The following SEMA5A variants were observed in gnomAD, a reference collection of about 807,000 sequenced individuals.
SEMA5A encodes the protein semaphorin-5A.
A neutral mutation model predicts 135.5 loss-of-function variants in SEMA5A; 55 were observed. The observed-to-expected ratio is 0.41, with a 90% CI of 0.33 to 0.51. The LOEUF (loss-of-function observed/expected upper bound fraction) is 0.51, where lower values mean the gene tolerates loss of function less well. Among genes scored for constraint, SEMA5A ranks in the 20% least tolerant of loss-of-function variants. The pLI is 0.37. For synonymous variants in SEMA5A, 580 were observed against 546.5 expected, an observed-to-expected ratio of 1.06 and a Z score of -0.85; for missense variants, 1,290 against 1,419.9, an observed-to-expected ratio of 0.91 and a Z score of 1.47.
intron 4 of SEMA5A, 62 bp from the exon 5 acceptor site, chr5:9,318,479 T>C (rs1752487785): frequency 1.4e-6 from 2 of 1,394,500 alleles, no homozygotes; most frequent in Admixed American, 2.2e-5. Context: ...TAAGAGTTTA[T>C]AAAAATTTCA....
chr5:9,101,458 T>G (rs1002472951), intron 16 of SEMA5A, among the ~76,000 whole-genome samples: 1 of 152,220 alleles, frequency 6.6e-6, no homozygotes, highest in African/African-American at 2.4e-5. Context: ...AGAAGCACTT[T>G]AAACAATACC....
intron 5 of SEMA5A, among the ~76,000 whole-genome samples, chr5:9,265,160 G>A (rs145930357): frequency 1.3e-3 from 202 of 152,208 alleles, no homozygotes; most frequent in African/African-American, 4.5e-3. Flanking sequence ...AAACCACCGC[G>A]AGACATTTTG....
chr5:9,150,784 CAG>C (rs1392956977), intron 12 of SEMA5A, among the ~76,000 whole-genome samples: 1 of 152,108 alleles, frequency 6.6e-6, no homozygotes, highest in African/African-American at 2.4e-5. Context: ...TGATGGCAAG[CAG>C]AATGAGGAAG....
intron 11 of SEMA5A, among the ~76,000 whole-genome samples, chr5:9,157,474 T>C (rs1404218921): frequency 6.6e-6 from 1 of 152,162 alleles, no homozygotes; most frequent in Non-Finnish European, 1.5e-5. Flanking sequence ...AGCAGCACCA[T>C]AATCCCAGGG....
chr5:9,252,231 A>T (rs1209972776), intron 5 of SEMA5A, among the ~76,000 whole-genome samples: 1 of 152,204 alleles, frequency 6.6e-6, no homozygotes, highest in Non-Finnish European at 1.5e-5. Context: ...ACACTACTCC[A>T]CATCTTCACT....
intron 16 of SEMA5A, among the ~76,000 whole-genome samples, chr5:9,098,108 G>C (rs950092271): frequency 1.3e-5 from 2 of 151,992 alleles, no homozygotes; most frequent in South Asian, 4.2e-4. Flanking sequence ...GCTGACTGTG[G>C]TATCAAGTGC....
In SEMA5A at chr5:9,258,356, T is replaced by C. The variant is rs181667972; in HGVS notation, c.271-20466A>G. On this transcript the variant is annotated intron_variant, in intron 5 of 22. Transcript: ENST00000382496. ...TGATCAAACTTACTTTGTCTTGGGATTGGATTTAGGTTACCTATTGAAGAC... is the reference window on the plus strand; with the variant it reads ...TGATCAAACTTACTTTGTCTTGGGACTGGATTTAGGTTACCTATTGAAGAC... 1.5e-3 allele frequency among the ~76,000 whole-genome samples: 228 copies of C among 152,312 alleles called. 1 individual carries two copies. Among genetic ancestry groups the C allele is most frequent in the Non-Finnish European group, 2.3e-3 (154 of 68,022 alleles).
chr5:9,352,100 G>GGGGA lies in SEMA5A; in HGVS notation c.125-14289_125-14288insTCCC, dbSNP rs902549976. 8.1e-5 allele frequency among the ~76,000 whole-genome samples: 12 copies of GGGGA among 148,270 alleles called. 1 individual carries two copies. The Middle Eastern group carries it at 0.014, about 170-fold the overall frequency. ...TCTAATGAATGTAACAGGTCGGGGG[G>GGGGA]GTTACTTAAGAGTAGGGTATAAGTT... On this transcript the variant is annotated intron_variant, in intron 3 of 22. Coordinates refer to ENST00000382496, the MANE Select transcript of SEMA5A (RefSeq NM_003966.3).
chr5:9,384,647 GATAGATAGATAGATATAGATAGATAGAT>G lies in SEMA5A; in HGVS notation c.-77-4652_-77-4625del, dbSNP rs1561208136. Among the ~76,000 whole-genome samples, 46 of 69,496 alleles carry G rather than the reference GATAGATAGATAGATATAGATAGATAGAT, an allele frequency of 6.6e-4. 2 individuals carry two copies. The highest frequency in any genetic ancestry group is 1.1e-3 in the Non-Finnish European group (37 of 34,176). 45.6% of individuals were successfully genotyped at this position (69,496 alleles called of 152,430 possible). A position where few individuals can be genotyped will look rare whatever the true frequency, so the allele number is the denominator to read the frequency against. On this transcript the variant is annotated intron_variant, in intron 2 of 22. Transcript: ENST00000382496. ...AGATAGATAGATAGATAGATAGATA[GATAGATAGATAGATATAGATAGATAGAT>G]ATAGATAGATAGATAGATAGATAGA...
chr5:9,067,550 A>T (rs1168693322), intron 16 of SEMA5A, among the ~76,000 whole-genome samples: 1 of 150,722 alleles, frequency 6.6e-6, no homozygotes, highest in Admixed American at 6.7e-5. Flanking sequence ...TATTAATAAA[A>T]TAAGAATTAA....
chr5:9,486,646 TA>T (rs377753621), intron 1 of SEMA5A, among the ~76,000 whole-genome samples: 52 of 149,332 alleles, frequency 3.5e-4, no homozygotes, highest in African/African-American at 1.0e-3. Flanking sequence ...AATACTCACA[TA>T]AAAAAAAAGA....
chr5:9,242,607 A>T (rs1402054872), intron 5 of SEMA5A, among the ~76,000 whole-genome samples: 3 of 151,978 alleles, frequency 2.0e-5, no homozygotes, highest in African/African-American at 4.8e-5. Flanking sequence ...GACTTTGAGG[A>T]CTTATGGGGA....
intron 3 of SEMA5A, among the ~76,000 whole-genome samples, chr5:9,342,726 A>G (rs1395308627): frequency 1.3e-5 from 2 of 152,238 alleles, no homozygotes. Context: ...AAAAATAGCT[A>G]ATGTTTAAAT....
intron 16 of SEMA5A, among the ~76,000 whole-genome samples, chr5:9,101,453 C>A (rs575368284): frequency 2.0e-5 from 3 of 152,278 alleles, no homozygotes; most frequent in South Asian, 4.1e-4. Flanking sequence ...CCCTAAGAAG[C>A]ACTTTAAACA....
chr5:9,196,210 C>T (rs989875142), intron 10 of SEMA5A, among the ~76,000 whole-genome samples: 2 of 152,226 alleles, frequency 1.3e-5, no homozygotes, highest in African/African-American at 2.4e-5. Flanking sequence ...CTGTAAGCCA[C>T]CCAAATTCCT....
chr5:9,444,659 A>G (rs1243812052), intron 1 of SEMA5A, among the ~76,000 whole-genome samples: 1 of 152,230 alleles, frequency 6.6e-6, no homozygotes, highest in Admixed American at 6.5e-5. Context: ...ATGCATGTGC[A>G]AGTATCTTTT....
At chr5:9,535,814 C>T (rs1365332945) in intron 1 of SEMA5A, among the ~76,000 whole-genome samples, 1 of 152,156 alleles carries the variant, frequency 6.6e-6, no homozygotes, top group Non-Finnish European at 1.5e-5. Flanking sequence ...TACTGCCCTG[C>T]GGCAAGCCAG....
At chr5:9,210,398 C>T (rs376827583) in intron 8 of SEMA5A, among the ~76,000 whole-genome samples, 1 of 152,152 alleles carries the variant, frequency 6.6e-6, no homozygotes, top group East Asian at 1.9e-4. Context: ...TAAAGGTCTG[C>T]ATTAAATTAC....
intron 12 of SEMA5A, among the ~76,000 whole-genome samples, chr5:9,144,869 G>A (rs1215379097): frequency 6.6e-6 from 1 of 152,154 alleles, no homozygotes; most frequent in African/African-American, 2.4e-5. Flanking sequence ...TGAATGAAAG[G>A]AGAAGAATCC....
Sources: gnomAD v4.1 joint callset for allele counts (sites outside exome capture counted in the v4.1 genomes callset) on GRCh38, gnomAD v4.1.1 for gene constraint, MANE v1.5 for transcripts, NCBI Gene and HGNC (gene_info 2026-07-23, HGNC 2026-07-21) for gene names.